PBX1: variants seen among roughly 807,000 people sequenced by gnomAD.
PBX1 encodes the protein PBX homeobox 1.
A neutral mutation model predicts 53.4 loss-of-function variants in PBX1; 6 were observed. That is an observed-to-expected ratio of 0.11 (90% CI 0.06 to 0.22). The LOEUF is 0.22. PBX1 is among the 10% of genes least tolerant of loss of function. The pLI, the probability that PBX1 is intolerant of heterozygous loss-of-function variation, is 1.00. For synonymous variants in PBX1, 204 were observed against 212.3 expected, an observed-to-expected ratio of 0.96 and a Z score of 0.34; for missense variants, 251 against 551.4, an observed-to-expected ratio of 0.46 and a Z score of 5.46.
chr1:164,561,387 A>G (rs1344541809), intron 1 of PBX1, among the ~76,000 whole-genome samples: 1 of 152,224 alleles, frequency 6.6e-6, no homozygotes, highest in African/African-American at 2.4e-5. Context: ...GGGTGTTTGA[A>G]AACTTGGAAA....
At chr1:164,874,533 C>G (rs1437143087) in intron 2 of PBX1, among the ~76,000 whole-genome samples, 1 of 152,148 alleles carries the variant, frequency 6.6e-6, no homozygotes, top group East Asian at 1.9e-4. Flanking sequence ...CTTACTTCAT[C>G]ACCCAGGCTG....
intron 2 of PBX1, among the ~76,000 whole-genome samples, chr1:164,617,528 CAAGT>C (rs1358328916): frequency 2.0e-5 from 3 of 152,108 alleles, no homozygotes; most frequent in Non-Finnish European, 4.4e-5. Context: ...GTTGTATTGC[CAAGT>C]AAGATTGGGA....
chr1:164,645,723 T>C (rs1250376349), intron 2 of PBX1, among the ~76,000 whole-genome samples: 1 of 152,202 alleles, frequency 6.6e-6, no homozygotes, highest in Non-Finnish European at 1.5e-5. Context: ...CCGATTAATG[T>C]GCAAATTTGT....
Position 164,850,203 on chromosome 1 carries a change from A to T in PBX1, c.*3527A>T, listed in dbSNP as rs1671764362. 4.4e-6 allele frequency: 1 copy of T among 226,818 alleles called. No homozygotes were observed. The highest frequency in any genetic ancestry group is 1.8e-4 in the South Asian group (1 of 5,476). The allele number at this position is 226,818 out of a possible 1,614,324, so 14.1% of individuals were successfully genotyped here. ...TAGTTTTTAACACCAGACTACCTAC[A>T]TTCATCATTTCCCTCATTTTTCTTT... is the stretch of plus-strand genomic sequence containing the variant. On this transcript the variant is annotated 3_prime_UTR_variant, in exon 9 of 9. Coordinates refer to ENST00000420696, the MANE Select transcript of PBX1 (RefSeq NM_002585.4).
intron 2 of PBX1, among the ~76,000 whole-genome samples, chr1:164,788,756 C>CA (rs1553246589): frequency 7.4e-6 from 1 of 135,798 alleles, no homozygotes; most frequent in Non-Finnish European, 1.6e-5. Flanking sequence ...CCGCCCTCCC[C>CA]CCCCCGCCCT....
At chr1:164,603,054 T>C (rs1272780077) in intron 2 of PBX1, among the ~76,000 whole-genome samples, 1 of 152,136 alleles carries the variant, frequency 6.6e-6, no homozygotes, top group African/African-American at 2.4e-5. Context: ...ACCTTCCTTA[T>C]AATCCGTCCC....
chr1:164,799,621 C>T (rs563863054), intron 3 of PBX1, 78 bp from the exon 4 acceptor site: 21 of 1,298,822 alleles, frequency 1.6e-5, no homozygotes, highest in Non-Finnish European at 2.2e-5. Flanking sequence ...GAAAAGCCCA[C>T]GTGGCCTAAT....
chr1:164,596,081 A>G (rs958699211), intron 2 of PBX1, among the ~76,000 whole-genome samples: 1 of 138,750 alleles, frequency 7.2e-6, no homozygotes, highest in Non-Finnish European at 1.5e-5. Context: ...GTTTTGTTTT[A>G]TTGCCCTGCA....
Position 164,560,009 on chromosome 1 carries a change from G to T in PBX1, c.187G>T (p.Ala63Ser), listed in dbSNP as rs148894677. The change falls in exon 1 of 9, where the codon GCC becomes TCC. Residue 63 changes from alanine (A) to serine (S), a missense_variant. By Grantham distance (99) the Ala-to-Ser change is moderately conservative (BLOSUM62 1). Around this residue, in one of 4 missense-constraint regions of PBX1, gnomAD observed 76 missense variants for 197.5 expected, o/e 0.38. Coordinates refer to ENST00000420696, the MANE Select transcript of PBX1 (RefSeq NM_002585.4). ...AGACCAGAGTTTGGATGAGGCGCAG[G>T]CCAGGTGAGATGGAGGCTTTTCTTT... Reference protein sequence around the residue: ...ITDQSLDEAQARKHALNCHRM... With the variant: ...ITDQSLDEAQSRKHALNCHRM... 4 of 1,405,034 alleles carry T rather than the reference G, an allele frequency of 2.8e-6. No individual in the cohort carries two copies. The African/African-American group carries it at 6.0e-5, about 21-fold the overall frequency. The allele number at this position is 1,405,034 out of a possible 1,614,324, so 87.0% of individuals were successfully genotyped here.
chr1:164,784,464 A>G (rs1254175219), intron 2 of PBX1, among the ~76,000 whole-genome samples: 1 of 152,232 alleles, frequency 6.6e-6, no homozygotes, highest in Non-Finnish European at 1.5e-5. Flanking sequence ...AGAAGTAGAA[A>G]ATGCACGTGA....
At chr1:164,752,173 A>G (rs1214427293) in intron 2 of PBX1, among the ~76,000 whole-genome samples, 2 of 150,586 alleles carry the variant, frequency 1.3e-5, no homozygotes, top group African/African-American at 2.4e-5. Context: ...GATGTCAAAC[A>G]GTTAATGTGT....
At chr1:164,727,585 G>T (rs933367523) in intron 2 of PBX1, among the ~76,000 whole-genome samples, 1 of 152,206 alleles carries the variant, frequency 6.6e-6, no homozygotes, top group Non-Finnish European at 1.5e-5. Context: ...ACATATGGTG[G>T]AAAGGGGTCT....
intron 2 of PBX1, among the ~76,000 whole-genome samples, chr1:164,571,871 TTG>T (rs1553209094): frequency 1.7e-5 from 1 of 59,962 alleles, no homozygotes; most frequent in Non-Finnish European, 3.2e-5. Context: ...AATCTGTACA[TTG>T]TATATATATA....
rs376355871 is a variant in PBX1 at position 164,617,687 on chromosome 1, A to G, written c.265+54376A>G. Among the ~76,000 whole-genome samples, 7 of 152,314 alleles carry G rather than the reference A, an allele frequency of 4.6e-5. No individual in the cohort carries two copies. In the South Asian group the frequency reaches 1.4e-3, roughly 32 times the overall value. On this transcript the variant is annotated intron_variant, in intron 2 of 8. Coordinates refer to ENST00000420696, the MANE Select transcript of PBX1 (RefSeq NM_002585.4). ...CTGAGGACCTTTTCCCTGGACCAGGATTCTTAAAAACACACTTTAGAAAAT... is the reference window on the plus strand; with the variant it reads ...CTGAGGACCTTTTCCCTGGACCAGGGTTCTTAAAAACACACTTTAGAAAAT...
chr1:164,861,054 A>G (rs555330746), intron 2 of PBX1, among the ~76,000 whole-genome samples: 1 of 152,072 alleles, frequency 6.6e-6, no homozygotes, highest in African/African-American at 2.4e-5. Context: ...GAGGAAAGGG[A>G]ATACAGAGAA....
At chr1:164,875,354 G>C (rs969542786) in intron 2 of PBX1, among the ~76,000 whole-genome samples, 17 of 152,230 alleles carry the variant, frequency 1.1e-4, no homozygotes, top group African/African-American at 4.1e-4. Flanking sequence ...CCAGGCTAGA[G>C]TGCAGTGGCA....
At chr1:164,689,844 A>G (rs1034950928) in intron 2 of PBX1, among the ~76,000 whole-genome samples, 4 of 150,870 alleles carry the variant, frequency 2.7e-5, no homozygotes, top group East Asian at 3.9e-4. Flanking sequence ...TGCTCCCTAC[A>G]CCTATCCCTC....
At chr1:164,640,875 G>C (rs1240162037) in intron 2 of PBX1, among the ~76,000 whole-genome samples, 1 of 152,124 alleles carries the variant, frequency 6.6e-6, no homozygotes, top group Non-Finnish European at 1.5e-5. Context: ...GTGTCTTAAA[G>C]CAAACACAGG....
At chr1:164,650,757 C>T (rs968294022) in intron 2 of PBX1, among the ~76,000 whole-genome samples, 2 of 152,048 alleles carry the variant, frequency 1.3e-5, no homozygotes, top group African/African-American at 4.8e-5. Context: ...TCATGCTGCT[C>T]TGCCGTCTAG....
Sources: gnomAD v4.1 joint callset for allele counts (sites outside exome capture counted in the v4.1 genomes callset) on GRCh38, gnomAD v4.1.1 for gene constraint, gnomAD v4.1.1 regional missense constraint, MANE v1.5 for transcripts, NCBI Gene and HGNC (gene_info 2026-07-23, HGNC 2026-07-21) for gene names.